Variants in SGCZ observed in about 807,000 individuals in gnomAD.
SGCZ encodes the protein sarcoglycan zeta, also known as zeta-sarcoglycan.
A neutral mutation model predicts 41.3 loss-of-function variants in SGCZ; 40 were observed. That is an observed-to-expected ratio of 0.97 (90% CI 0.75 to 1.26). The LOEUF is 1.26. Ranked by LOEUF, SGCZ falls within the 50% of genes most tolerant of loss-of-function variation. SGCZ has a pLI of 0.00. For synonymous variants in SGCZ, 206 were observed against 137.5 expected, an observed-to-expected ratio of 1.50 and a Z score of -3.49; for missense variants, 552 against 369.8, an observed-to-expected ratio of 1.49 and a Z score of -4.04.
intron 1 of SGCZ, among the ~76,000 whole-genome samples, chr8:15,164,079 T>C (rs2117047179): frequency 6.6e-6 from 1 of 152,320 alleles, no homozygotes; most frequent in East Asian, 1.9e-4. Flanking sequence ...TTCTATCTTT[T>C]CACCTAATAA....
At chr8:14,766,638 T>C (rs573793533) in intron 1 of SGCZ, among the ~76,000 whole-genome samples, 1 of 151,898 alleles carries the variant, frequency 6.6e-6, no homozygotes, top group South Asian at 2.1e-4. Context: ...CTCGGCTCAC[T>C]GCAATTTCCA....
chr8:14,844,374 C>A (rs1803030317), intron 1 of SGCZ, among the ~76,000 whole-genome samples: 1 of 152,112 alleles, frequency 6.6e-6, no homozygotes, highest in African/African-American at 2.4e-5. Flanking sequence ...ATATCCTTTC[C>A]TACTGCCATG....
At chr8:14,242,067 G>C (rs1466628286) in intron 3 of SGCZ, among the ~76,000 whole-genome samples, 1 of 152,136 alleles carries the variant, frequency 6.6e-6, no homozygotes, top group Non-Finnish European at 1.5e-5. Context: ...CAATCTGGTA[G>C]CCAGACAGAC....
intron 1 of SGCZ, among the ~76,000 whole-genome samples, chr8:14,921,344 G>A (rs1799583134): frequency 6.6e-6 from 1 of 152,066 alleles, no homozygotes; most frequent in African/African-American, 2.4e-5. Context: ...ACTAATTTGA[G>A]TTCAAATATC....
At chr8:14,864,724 T>G (rs957680466) in intron 1 of SGCZ, among the ~76,000 whole-genome samples, 1 of 152,112 alleles carries the variant, frequency 6.6e-6, no homozygotes, top group Non-Finnish European at 1.5e-5. Context: ...ACCATTCTAT[T>G]TTTAGCTTTT....
At chr8:15,151,851 T>C (rs1217860304) in intron 1 of SGCZ, among the ~76,000 whole-genome samples, 1 of 152,232 alleles carries the variant, frequency 6.6e-6, no homozygotes, top group African/African-American at 2.4e-5. Context: ...ATCAATATAC[T>C]GGCTTTTTCA....
At chr8:14,657,142 T>C (rs548712401) in intron 1 of SGCZ, among the ~76,000 whole-genome samples, 1 of 152,206 alleles carries the variant, frequency 6.6e-6, no homozygotes, top group African/African-American at 2.4e-5. Context: ...TTAGAGGGAT[T>C]TTGATCTTCC....
chr8:14,136,798 T>C (rs1227459156), intron 5 of SGCZ, among the ~76,000 whole-genome samples: 1 of 152,154 alleles, frequency 6.6e-6, no homozygotes, highest in African/African-American at 2.4e-5. Flanking sequence ...AAAAGAGCAG[T>C]GGTTCTCCCA....
chr8:14,182,982 C>T (rs1304816408), intron 4 of SGCZ, among the ~76,000 whole-genome samples: 2 of 141,906 alleles, frequency 1.4e-5, no homozygotes, highest in African/African-American at 5.3e-5. Context: ...TGCACTCCAG[C>T]CTGGGCAACA....
intron 1 of SGCZ, among the ~76,000 whole-genome samples, chr8:14,628,551 G>A (rs1806538741): frequency 6.6e-6 from 1 of 152,044 alleles, no homozygotes; most frequent in African/African-American, 2.4e-5. Flanking sequence ...ATGAAACTAA[G>A]GAAGCAATAG....
intron 1 of SGCZ, among the ~76,000 whole-genome samples, chr8:15,176,377 A>G (rs1315530960): frequency 6.6e-6 from 1 of 152,198 alleles, no homozygotes; most frequent in Non-Finnish European, 1.5e-5. Context: ...CTCATTCAAT[A>G]GAAGATAGTG....
intron 2 of SGCZ, among the ~76,000 whole-genome samples, chr8:14,524,212 G>C (rs1352072521): frequency 2.0e-5 from 3 of 150,030 alleles, no homozygotes; most frequent in Non-Finnish European, 4.4e-5. Context: ...TCAATTTTCT[G>C]TTTTAGTTTT....
At chr8:14,194,065 T>C (rs2117053337) in intron 4 of SGCZ, among the ~76,000 whole-genome samples, 1 of 151,742 alleles carries the variant, frequency 6.6e-6, no homozygotes, top group East Asian at 1.9e-4. Context: ...CATATATTTC[T>C]CATGGAAATA....
At chr8:14,159,352 A>G (rs1204784663) in intron 5 of SGCZ, among the ~76,000 whole-genome samples, 1 of 152,178 alleles carries the variant, frequency 6.6e-6, no homozygotes, top group Non-Finnish European at 1.5e-5. Context: ...TGCTTTCACA[A>G]AACTATATGA....
At position 14,666,144 on chromosome 8, in the gene SGCZ, C is replaced by T. The variant is rs183470867; in HGVS notation, c.40-111218G>A. On this transcript the variant is annotated intron_variant, in intron 1 of 7. Transcript: ENST00000382080. ...CGCTGTTTCTGATGTTTTTGCCAAG[C>T]ATCCACCTGCCTTTCAAATGTCCTA... 2.6e-4 allele frequency among the ~76,000 whole-genome samples: 40 copies of T among 152,284 alleles called. No homozygotes were observed. The East Asian group carries it at 7.4e-3, about 28-fold the overall frequency.
At chr8:15,094,711 C>A (rs890538800) in intron 1 of SGCZ, among the ~76,000 whole-genome samples, 2 of 152,094 alleles carry the variant, frequency 1.3e-5, no homozygotes, top group African/African-American at 4.8e-5. Flanking sequence ...AGGGAAGGAT[C>A]AGGTGAAGAT....
intron 1 of SGCZ, among the ~76,000 whole-genome samples, chr8:14,801,586 G>A (rs1284132038): frequency 6.6e-6 from 1 of 152,146 alleles, no homozygotes; most frequent in Non-Finnish European, 1.5e-5. Context: ...GCCAAGGTAA[G>A]AACGGACAGA....
intron 1 of SGCZ, among the ~76,000 whole-genome samples, chr8:14,699,370 G>T (rs962277756): frequency 1.3e-5 from 2 of 151,434 alleles, no homozygotes; most frequent in African/African-American, 2.4e-5. Flanking sequence ...ATGAGGAAAG[G>T]GCTCTATATT....
In SGCZ at chr8:14,915,786, G is replaced by T. The variant is rs185592958; in HGVS notation, c.39+321799C>A. 4.0e-3 allele frequency among the ~76,000 whole-genome samples: 615 copies of T among 152,142 alleles called. 8 individuals carry two copies. Among genetic ancestry groups the T allele is most frequent in the Non-Finnish European group, 7.5e-3 (511 of 68,010 alleles). On this transcript the variant is annotated intron_variant, in intron 1 of 7. Coordinates refer to ENST00000382080, the MANE Select transcript of SGCZ (RefSeq NM_139167.4). Reference sequence around the variant, plus strand: ...TTTTTGGAGGTGTCTCTCTGGAAAGGAATTGCTCTCCTCTCTCCGTTCTTC... The same window carrying T: ...TTTTTGGAGGTGTCTCTCTGGAAAGTAATTGCTCTCCTCTCTCCGTTCTTC...
Sources: gnomAD v4.1 joint callset for allele counts (sites outside exome capture counted in the v4.1 genomes callset) on GRCh38, gnomAD v4.1.1 for gene constraint, MANE v1.5 for transcripts, NCBI Gene and HGNC (gene_info 2026-07-23, HGNC 2026-07-21) for gene names.